Variants in SKAP1 observed in about 807,000 individuals in gnomAD.
The protein encoded by SKAP1 is src kinase associated phosphoprotein 1.
SKAP1 carries 44 observed loss-of-function variants against 58.5 expected under a neutral mutation model. The observed-to-expected ratio is 0.75, with a 90% CI of 0.59 to 0.97. The LOEUF is 0.97. Ranked by LOEUF, SKAP1 falls within the 50% of genes least tolerant of loss-of-function variation. The probability of loss-of-function intolerance (pLI) is 0.00; values close to 1 mark genes in which losing one functional copy is unlikely to be tolerated. For missense variants in SKAP1, 390 were observed against 435.2 expected (o/e 0.90, Z 0.92); for synonymous variants, 127 against 149.7 (o/e 0.85, Z 1.11).
intron 6 of SKAP1, chr17:48,185,053 C>T (rs965720540): frequency 9.8e-6 from 5 of 507,620 alleles, no homozygotes; most frequent in Admixed American, 3.8e-5. Context: ...GGAAATGCAA[C>T]GTGAAAGGTT....
At chr17:48,158,396 G>GA (rs57510130) in intron 11 of SKAP1, among the ~76,000 whole-genome samples, 42 of 138,100 alleles carry the variant, frequency 3.0e-4, no homozygotes, top group East Asian at 2.4e-3. Context: ...AATACAAAAA[G>GA]AAAAAAAAAA....
chr17:48,188,386 G>A (rs541264727), intron 5 of SKAP1, among the ~76,000 whole-genome samples: 51 of 152,284 alleles, frequency 3.3e-4, no homozygotes, highest in Admixed American at 3.3e-3. Context: ...ATGAGTTAAA[G>A]GTCAAGAGTT....
At chr17:48,208,684 AG>A (rs2064836621) in intron 4 of SKAP1, among the ~76,000 whole-genome samples, 1 of 152,262 alleles carries the variant, frequency 6.6e-6, no homozygotes, top group African/African-American at 2.4e-5. Flanking sequence ...GACTATTCCT[AG>A]TGAACAGTTT....
chr17:48,374,873 C>G (rs1171232397), intron 2 of SKAP1, among the ~76,000 whole-genome samples: 2 of 152,182 alleles, frequency 1.3e-5, no homozygotes, highest in Admixed American at 6.5e-5. Flanking sequence ...CATCCAAGGC[C>G]TGGGACCCAG....
intron 9 of SKAP1, among the ~76,000 whole-genome samples, chr17:48,174,624 C>T (rs1422003391): frequency 1.3e-5 from 2 of 152,138 alleles, no homozygotes; most frequent in East Asian, 3.8e-4. Flanking sequence ...TTTAATGTGA[C>T]ACTTTAATTT....
chr17:48,341,368 T>C (rs1355845049), intron 4 of SKAP1, among the ~76,000 whole-genome samples: 1 of 152,144 alleles, frequency 6.6e-6, no homozygotes. Context: ...TAATGCTTTC[T>C]CCCCACTATT....
chr17:48,273,805 C>A (rs1282224732), intron 4 of SKAP1, among the ~76,000 whole-genome samples: 1 of 152,156 alleles, frequency 6.6e-6, no homozygotes, highest in Non-Finnish European at 1.5e-5. Context: ...ATAATTGTCA[C>A]CTGCAGCTTG....
chr17:48,155,828 G>A (rs775133346), intron 11 of SKAP1, among the ~76,000 whole-genome samples: 6 of 152,182 alleles, frequency 3.9e-5, no homozygotes, highest in African/African-American at 1.4e-4. Context: ...CTGCATTCCA[G>A]GGCAACAGAG....
intron 4 of SKAP1, among the ~76,000 whole-genome samples, chr17:48,330,605 T>A: frequency 6.6e-6 from 1 of 152,258 alleles, no homozygotes; most frequent in East Asian, 1.9e-4. Context: ...GCCCTCTTCA[T>A]TCATGCTGCC....
At chr17:48,262,551 G>A (rs374860041) in intron 4 of SKAP1, among the ~76,000 whole-genome samples, 19 of 152,084 alleles carry the variant, frequency 1.2e-4, no homozygotes, top group Admixed American at 3.9e-4. Flanking sequence ...TGTTTGATGA[G>A]TAAAAACTTG....
At position 48,324,617 on chromosome 17, in the gene SKAP1, C is replaced by T. The variant is rs547101753; in HGVS notation, c.280+21288G>A. On this transcript the variant is annotated intron_variant, in intron 4 of 12. Transcript: ENST00000336915. ...CATTATATAAATATTATTCTACAAA[C>T]ACCACTTTTAGTGGTTGCACATATT... Among the ~76,000 whole-genome samples the T allele has an allele frequency of 3.3e-5, 5 of 152,122 alleles. No individual in the cohort carries two copies. The East Asian group carries it at 7.7e-4, about 23-fold the overall frequency.
In SKAP1 at chr17:48,167,662, A is replaced by C. The variant is rs1165120237; in HGVS notation, c.877+2947T>G. 2.6e-5 allele frequency among the ~76,000 whole-genome samples: 4 copies of C among 151,726 alleles called. No homozygotes were observed. The South Asian group carries it at 6.2e-4, about 24-fold the overall frequency. ...TGGCTTAGTTTTTCCACAATTTCAGAGTTGGGGTTGGGGGCAGACTGAAGG... is the reference window on the plus strand; with the variant it reads ...TGGCTTAGTTTTTCCACAATTTCAGCGTTGGGGTTGGGGGCAGACTGAAGG... On this transcript the variant is annotated intron_variant, in intron 10 of 12. Transcript: ENST00000336915.
chr17:48,366,734 T>C (rs1433496442), intron 2 of SKAP1, among the ~76,000 whole-genome samples: 1 of 152,188 alleles, frequency 6.6e-6, no homozygotes, highest in Non-Finnish European at 1.5e-5. Context: ...CCATCTACTC[T>C]TGCTATTTTC....
intron 4 of SKAP1, among the ~76,000 whole-genome samples, chr17:48,242,544 C>A (rs1196466655): frequency 6.6e-6 from 1 of 152,130 alleles, no homozygotes; most frequent in African/African-American, 2.4e-5. Context: ...TCAACAGTGA[C>A]AAGAACATGA....
At chr17:48,429,061 T>C (rs142579295) in intron 1 of SKAP1, among the ~76,000 whole-genome samples, 5 of 152,036 alleles carry the variant, frequency 3.3e-5, no homozygotes, top group African/African-American at 9.6e-5. Context: ...TAAAACCAAT[T>C]AAATTGAGAG....
chr17:48,416,690 G>A (rs899993932), intron 1 of SKAP1, among the ~76,000 whole-genome samples: 1 of 152,112 alleles, frequency 6.6e-6, no homozygotes, highest in Admixed American at 6.6e-5. Flanking sequence ...CAAGTATCTC[G>A]TTAAGTTACA....
intron 3 of SKAP1, among the ~76,000 whole-genome samples, chr17:48,346,257 C>A (rs551197368): frequency 1.3e-5 from 2 of 152,258 alleles, no homozygotes; most frequent in South Asian, 4.1e-4. Flanking sequence ...GAACTGTTAG[C>A]TTATAGTGGG....
intron 2 of SKAP1, among the ~76,000 whole-genome samples, chr17:48,372,475 T>A (rs987618041): frequency 2.7e-5 from 4 of 150,480 alleles, no homozygotes; most frequent in Non-Finnish European, 4.4e-5. Flanking sequence ...CCCGGCTAAT[T>A]TTGTATTTTT....
chr17:48,248,423 C>T (rs149820728), intron 4 of SKAP1, among the ~76,000 whole-genome samples: 16 of 152,030 alleles, frequency 1.1e-4, no homozygotes, highest in South Asian at 2.1e-4. Context: ...AAAAAATAGC[C>T]GGGCATAGTG....
Sources: allele counts gnomAD v4.1 joint callset (sites outside exome capture counted in the v4.1 genomes callset), GRCh38; gene constraint gnomAD v4.1.1; transcripts MANE v1.5; gene names NCBI Gene and HGNC (gene_info 2026-07-23, HGNC 2026-07-21).